SLC14A2: variants seen among roughly 807,000 people sequenced by gnomAD.
The protein encoded by SLC14A2 is solute carrier family 14 member 2.
Under a neutral mutation model 104.6 loss-of-function variants are expected in SLC14A2, and 91 were observed. The observed-to-expected ratio is 0.87, with a 90% CI of 0.73 to 1.04. The LOEUF (loss-of-function observed/expected upper bound fraction) is 1.04, where lower values mean the gene tolerates loss of function less well. Among genes scored for constraint, SLC14A2 ranks in the 50% least tolerant of loss-of-function variants. SLC14A2 has a pLI of 0.00. For synonymous variants in SLC14A2, 476 were observed against 466.4 expected (o/e 1.02, Z -0.27); for missense variants, 1,189 against 1,156.0 (o/e 1.03, Z -0.41).
At chr18:45,184,434 C>T in the SLC14A2 span, among the ~76,000 whole-genome samples, 228 of 152,244 alleles carry the variant, frequency 1.5e-3, 2 homozygotes, top group Middle Eastern at 6.8e-3. Flanking sequence ...AATGTCATCA[C>T]CAATCAGGAG....
the SLC14A2 span, among the ~76,000 whole-genome samples, chr18:45,184,095 T>C: frequency 2.0e-5 from 3 of 151,874 alleles, no homozygotes; most frequent in Non-Finnish European, 2.9e-5. Flanking sequence ...ATTCTACACA[T>C]GTGTGCAATA....
intron 2 of SLC14A2, among the ~76,000 whole-genome samples, chr18:45,557,002 G>T (rs1190002409): frequency 6.6e-6 from 1 of 152,190 alleles, no homozygotes; most frequent in Admixed American, 6.5e-5. Flanking sequence ...GTCCAACCAG[G>T]TTTATGCTAC....
chr18:45,500,619 G>T (rs1190278303), intron 2 of SLC14A2, among the ~76,000 whole-genome samples: 3 of 149,882 alleles, frequency 2.0e-5, no homozygotes, highest in Non-Finnish European at 3.0e-5. Context: ...TTATCCTGAC[G>T]CATGAGTGTG....
intron 2 of SLC14A2, among the ~76,000 whole-genome samples, chr18:45,496,323 G>C (rs1425582842): frequency 6.6e-6 from 1 of 152,212 alleles, no homozygotes; most frequent in East Asian, 1.9e-4. Context: ...TGGATAGCTG[G>C]TAAAATATTG....
At chr18:45,506,896 G>A (rs1057481066) in intron 2 of SLC14A2, among the ~76,000 whole-genome samples, 2 of 152,202 alleles carry the variant, frequency 1.3e-5, no homozygotes, top group Non-Finnish European at 2.9e-5. Flanking sequence ...CTGCCCAGAC[G>A]TAAAGTGAGA....
chr18:45,468,835 T>C (rs2087191696), intron 1 of SLC14A2, among the ~76,000 whole-genome samples: 1 of 152,224 alleles, frequency 6.6e-6, no homozygotes, highest in Non-Finnish European at 1.5e-5. Context: ...GCTGAGCACC[T>C]ACTATATTCT....
intron 2 of SLC14A2, among the ~76,000 whole-genome samples, chr18:45,537,715 G>T (rs531688630): frequency 5.3e-5 from 8 of 152,176 alleles, no homozygotes; most frequent in Non-Finnish European, 1.2e-4. Context: ...AGAATAGACC[G>T]CATTGGCCAC....
Position 45,643,200 on chromosome 18 carries a change from G to A in SLC14A2, c.1176+19G>A. The A allele has an allele frequency of 6.2e-7, 1 of 1,610,288 alleles. No homozygotes were observed. Among genetic ancestry groups the A allele is most frequent in the African/African-American group, 1.3e-5 (1 of 74,960 alleles). ...GTCAGTGGTAAGTGTGGATTCTCCT[G>A]AACACTACCCCAAAGTGCTCTTCCC... On this transcript the variant is annotated intron_variant, in intron 9 of 19. Coordinates refer to ENST00000255226, the MANE Select transcript of SLC14A2 (RefSeq NM_007163.4).
At chr18:45,307,009 G>T (rs2085029107) in intron 1 of SLC14A2, among the ~76,000 whole-genome samples, 1 of 152,132 alleles carries the variant, frequency 6.6e-6, no homozygotes, top group Non-Finnish European at 1.5e-5. Context: ...TGCAGTGCAG[G>T]AGTTAAAAGC....
Position 45,622,221 on chromosome 18 carries a change from G to A in SLC14A2, c.-34-2410G>A, listed in dbSNP as rs141638781. Among the ~76,000 whole-genome samples the A allele has an allele frequency of 1.9e-3, 294 of 152,334 alleles. 1 individual carries two copies. Among genetic ancestry groups the A allele is most frequent in the African/African-American group, 6.7e-3 (278 of 41,572 alleles). ...AAAGTCATTGAAGATGTGGTAAGAG[G>A]TGATGGTGGCTAACTGGTGACCATG... On this transcript the variant is annotated intron_variant, in intron 1 of 19. Transcript: ENST00000255226.
At chr18:45,467,714 T>A (rs1285842790) in intron 1 of SLC14A2, among the ~76,000 whole-genome samples, 1 of 152,186 alleles carries the variant, frequency 6.6e-6, no homozygotes, top group Non-Finnish European at 1.5e-5. Flanking sequence ...CAGCATCCAT[T>A]CAAGATACAT....
chr18:45,588,472 C>T (rs1474819276), intron 2 of SLC14A2, among the ~76,000 whole-genome samples: 1 of 152,232 alleles, frequency 6.6e-6, no homozygotes, highest in Non-Finnish European at 1.5e-5. Context: ...AGGACTACAG[C>T]TGAATGTCTT....
At chr18:45,442,681 T>TGA (rs1245659065) in intron 1 of SLC14A2, among the ~76,000 whole-genome samples, 3 of 152,150 alleles carry the variant, frequency 2.0e-5, no homozygotes, top group African/African-American at 7.2e-5. Flanking sequence ...ACATATGAAT[T>TGA]TTGGGAAGAT....
At chr18:45,572,427 C>T (rs893333835) in intron 2 of SLC14A2, among the ~76,000 whole-genome samples, 5 of 152,180 alleles carry the variant, frequency 3.3e-5, no homozygotes, top group African/African-American at 1.2e-4. Context: ...AACACCTAGT[C>T]CCAACATCTT....
intron 1 of SLC14A2, among the ~76,000 whole-genome samples, chr18:45,241,283 C>T (rs756259774): frequency 4.6e-5 from 7 of 152,158 alleles, no homozygotes; most frequent in African/African-American, 9.7e-5. Context: ...AAAGGGGTGA[C>T]GTGCTCTGGC....
At chr18:45,451,163 G>A (rs1290533257) in intron 1 of SLC14A2, among the ~76,000 whole-genome samples, 1 of 152,156 alleles carries the variant, frequency 6.6e-6, no homozygotes, top group African/African-American at 2.4e-5. Flanking sequence ...ATTGGCAGCT[G>A]TAAGTTAGTT....
chr18:45,178,986 G>A, the SLC14A2 span, among the ~76,000 whole-genome samples: 5,166 of 152,256 alleles, frequency 0.034, 300 homozygotes, highest in African/African-American at 0.12. Flanking sequence ...TTGTAAAATA[G>A]ATGGTTGCTG....
At chr18:45,510,534 A>G (rs1173206673) in intron 2 of SLC14A2, among the ~76,000 whole-genome samples, 1 of 152,042 alleles carries the variant, frequency 6.6e-6, no homozygotes, top group Non-Finnish European at 1.5e-5. Flanking sequence ...CCAATCTTTC[A>G]TGGAATGTCA....
intron 1 of SLC14A2, among the ~76,000 whole-genome samples, chr18:45,257,194 G>T (rs1250505070): frequency 6.6e-6 from 1 of 152,190 alleles, no homozygotes; most frequent in East Asian, 1.9e-4. Flanking sequence ...TCAAAGAGAT[G>T]GAAGTGAACA....
Sources: gnomAD v4.1 joint callset for allele counts (sites outside exome capture counted in the v4.1 genomes callset) on GRCh38, gnomAD v4.1.1 for gene constraint, MANE v1.5 for transcripts, NCBI Gene and HGNC (gene_info 2026-07-23, HGNC 2026-07-21) for gene names.